The following RGS3 variants were observed in gnomAD, a reference collection of about 807,000 sequenced individuals.
RGS3 encodes the protein regulator of G-protein signalling 3.
RGS3 carries 80 observed loss-of-function variants against 132.6 expected under a neutral mutation model. The observed-to-expected ratio is 0.60, with a 90% CI of 0.50 to 0.73. The LOEUF (loss-of-function observed/expected upper bound fraction) is 0.73. Ranked by LOEUF, RGS3 falls within the 30% of genes least tolerant of loss-of-function variation. The pLI is 0.00. For synonymous variants in RGS3, 598 were observed against 620.6 expected, an observed-to-expected ratio of 0.96 and a Z score of 0.54; for missense variants, 1,382 against 1,530.8, an observed-to-expected ratio of 0.90 and a Z score of 1.62.
chr9:113,477,429 T>G (rs1830028428), intron 3 of RGS3, among the ~76,000 whole-genome samples: 1 of 152,062 alleles, frequency 6.6e-6, no homozygotes, highest in African/African-American at 2.4e-5. Flanking sequence ...ACCAGAAGTA[T>G]GAGGGTCAAG....
rs540201009 is a variant in RGS3 at position 113,488,265 on chromosome 9, A to G, written c.689+2572A>G. 5.9e-5 allele frequency among the ~76,000 whole-genome samples: 9 copies of G among 152,258 alleles called. No individual in the cohort carries two copies. In the East Asian group the frequency reaches 1.5e-3, roughly 26 times the overall value. ...GACAGAGTTACTGGAGGTGGAGGTGAGTCAGCTTGGGATACGGTGAGATGC... is the reference window on the plus strand; with the variant it reads ...GACAGAGTTACTGGAGGTGGAGGTGGGTCAGCTTGGGATACGGTGAGATGC... On this transcript the variant is annotated intron_variant, in intron 7 of 24. Coordinates refer to ENST00000350696, the Ensembl canonical transcript of RGS3.
chr9:113,455,306 G>A (rs56094957), upstream of RGS3, among the ~76,000 whole-genome samples: 10,836 of 152,260 alleles, frequency 0.071, 515 homozygotes, highest in Middle Eastern at 0.1. Flanking sequence ...GGAAACAGAA[G>A]TCTATATTGT....
chr9:113,551,053 TCAC>T lies in RGS3; in HGVS notation c.2037+14139_2037+14141del, dbSNP rs1278736580. Among the ~76,000 whole-genome samples the T allele has an allele frequency of 5.9e-5, 9 of 152,338 alleles. No individual in the cohort carries two copies. In the South Asian group the frequency reaches 1.7e-3, roughly 28 times the overall value. ...GTGTATTCACACACTTGTGTAACCA[TCAC>T]CACAATCAATTTTAGAATATTTTCA... On this transcript the variant is annotated intron_variant, in intron 19 of 24. Coordinates refer to ENST00000350696, the Ensembl canonical transcript of RGS3.
chr9:113,529,077 T>G, intron 17 of RGS3, 144 bp from the exon 16 acceptor site: 1 of 697,748 alleles, frequency 1.4e-6, no homozygotes, highest in East Asian at 2.6e-5. Flanking sequence ...TCCAGAGACT[T>G]CCCTGCCTCC....
At chr9:113,580,305 C>T (rs962870435) in intron 19 of RGS3, among the ~76,000 whole-genome samples, 10 of 152,246 alleles carry the variant, frequency 6.6e-5, no homozygotes, top group Non-Finnish European at 1.3e-4. Context: ...CAGGGAGAGA[C>T]CCTGGGCAGG....
intron 19 of RGS3, among the ~76,000 whole-genome samples, chr9:113,540,897 A>G (rs1189431280): frequency 6.6e-6 from 1 of 152,188 alleles, no homozygotes; most frequent in Non-Finnish European, 1.5e-5. Flanking sequence ...TGAACTCAGG[A>G]TGTGCTTTGC....
At chr9:113,571,059 CA>C (rs1189981916) in intron 19 of RGS3, among the ~76,000 whole-genome samples, 1 of 152,202 alleles carries the variant, frequency 6.6e-6, no homozygotes, top group Non-Finnish European at 1.5e-5. Flanking sequence ...CAAGATTCAT[CA>C]ATAATATTGT....
chr9:113,591,593 C>T lies in RGS3; in HGVS notation c.3080+196C>T. The T allele has an allele frequency of 1.7e-6, 1 of 578,780 alleles. No individual in the cohort carries two copies. Among genetic ancestry groups the T allele is most frequent in the South Asian group, 2.0e-5 (1 of 50,024 alleles). 35.9% of individuals were successfully genotyped at this position (578,780 alleles called of 1,614,324 possible). ...TGGGGTCACCTGGGTCCTGAGCATTCTCTCCAAGTGAGGCAAAGTGCTGAT... is the reference window on the plus strand; with the variant it reads ...TGGGGTCACCTGGGTCCTGAGCATTTTCTCCAAGTGAGGCAAAGTGCTGAT... On this transcript the variant is annotated intron_variant, in intron 21 of 24. Coordinates refer to ENST00000350696, the Ensembl canonical transcript of RGS3. This position sits in a 1 kb window ranked among gnomAD's most constrained non-coding sequence, Gnocchi z 4.4.
At chr9:113,467,228 T>C (rs997173911) in intron 3 of RGS3, among the ~76,000 whole-genome samples, 12 of 152,238 alleles carry the variant, frequency 7.9e-5, no homozygotes, top group Non-Finnish European at 5.9e-5. Context: ...TCTCTTCATA[T>C]ACACACAGTA....
At chr9:113,486,715 A>G (rs538384497) in intron 7 of RGS3, among the ~76,000 whole-genome samples, 1 of 152,350 alleles carries the variant, frequency 6.6e-6, no homozygotes, top group South Asian at 2.1e-4. Flanking sequence ...AGCTCAAGTC[A>G]CCAGCTGAGA....
chr9:113,486,730 G>A (rs1157301768), intron 7 of RGS3, among the ~76,000 whole-genome samples: 1 of 152,218 alleles, frequency 6.6e-6, no homozygotes, highest in Non-Finnish European at 1.5e-5. Flanking sequence ...CTGAGACCTG[G>A]AAAACATTTT....
intron 19 of RGS3, among the ~76,000 whole-genome samples, chr9:113,569,637 C>CCTTA (rs1564584343): frequency 9.5e-4 from 142 of 149,850 alleles, no homozygotes; most frequent in African/African-American, 2.9e-3. Flanking sequence ...TTCCTTCCTT[C>CCTTA]CTTCCCTCCT....
chr9:113,501,605 T>C, intron 10 of RGS3: 1 of 1,561,006 alleles, frequency 6.4e-7, no homozygotes, highest in South Asian at 1.2e-5. Context: ...CTCTGCAAGG[T>C]GTGCTCGGAG....
chr9:113,585,742 T>G (rs1365761572), intron 20 of RGS3, among the ~76,000 whole-genome samples: 1 of 152,212 alleles, frequency 6.6e-6, no homozygotes, highest in African/African-American at 2.4e-5. Context: ...GCAGACATCA[T>G]TAATGGATTC....
Position 113,506,469 on chromosome 9 carries a change from G to A in RGS3, c.1061G>A (p.Cys354Tyr). ...GAGAGGCCTGTGGAGCACTGGAAATGTGTGGAGCTGGCCCACGAGATCCGG... is the reference window on the plus strand; with the variant it reads ...GAGAGGCCTGTGGAGCACTGGAAATATGTGGAGCTGGCCCACGAGATCCGG... The change falls in exon 12 of 25, where the codon TGT (cysteine) becomes TAT (tyrosine). Residue 354 changes from cysteine to tyrosine, a missense_variant. Physicochemically the swap from Cys to Tyr is radical, Grantham distance 194. Coordinates refer to ENST00000350696, the Ensembl canonical transcript of RGS3. This position sits in a 1 kb window ranked among gnomAD's most constrained non-coding sequence, Gnocchi z 4.7. 1 of 1,595,434 alleles carries A rather than the reference G, an allele frequency of 6.3e-7. No individual in the cohort carries two copies. Among genetic ancestry groups the A allele is most frequent in the Non-Finnish European group, 8.5e-7 (1 of 1,172,224 alleles).
At chr9:113,511,960 A>T (rs1431292377) in intron 14 of RGS3, among the ~76,000 whole-genome samples, 3 of 152,006 alleles carry the variant, frequency 2.0e-5, no homozygotes, top group Admixed American at 6.6e-5. Flanking sequence ...TGGTAGGTGG[A>T]TTACTTGGAG....
chr9:113,556,034 T>C (rs1342464494), intron 19 of RGS3, among the ~76,000 whole-genome samples: 3 of 152,188 alleles, frequency 2.0e-5, no homozygotes, highest in Admixed American at 2.0e-4. Flanking sequence ...GCCCTCATGT[T>C]TGAGTCATAG....
At chr9:113,476,041 G>A (rs1414657444) in intron 3 of RGS3, among the ~76,000 whole-genome samples, 3 of 148,332 alleles carry the variant, frequency 2.0e-5, no homozygotes, top group Non-Finnish European at 4.5e-5. Context: ...GGATTCAAGT[G>A]GTCCTCCCAC....
chr9:113,547,395 C>T (rs956641816), intron 19 of RGS3, among the ~76,000 whole-genome samples: 1 of 152,178 alleles, frequency 6.6e-6, no homozygotes, highest in African/African-American at 2.4e-5. Flanking sequence ...ATTACTGCCT[C>T]CTCTCCCCTA....
Sources: allele counts gnomAD v4.1 joint callset (sites outside exome capture counted in the v4.1 genomes callset), GRCh38; gene constraint gnomAD v4.1.1; non-coding constraint Gnocchi (gnomAD v3.1); transcripts MANE v1.5; gene names NCBI Gene and HGNC (gene_info 2026-07-23, HGNC 2026-07-21).